DCDC1: variants seen among roughly 807,000 people sequenced by gnomAD.
The protein encoded by DCDC1 is doublecortin domain-containing protein 1.
A neutral mutation model predicts 178.3 loss-of-function variants in DCDC1; 200 were observed. The ratio of observed to expected loss-of-function variants is 1.12; its 90% CI spans 1.00 to 1.26. DCDC1 has a LOEUF of 1.26. DCDC1 is among the 50% of genes most tolerant of loss of function. The pLI, the probability that DCDC1 is intolerant of heterozygous loss-of-function variation, is 0.00. For synonymous variants in DCDC1, 690 were observed against 604.8 expected (o/e 1.14, Z -2.07); for missense variants, 1,983 against 1,749.2 (o/e 1.13, Z -2.38).
intron 34 of DCDC1, among the ~76,000 whole-genome samples, 185 bp from the exon 35 acceptor site, chr11:30,894,569 T>G (rs1944052893): frequency 6.6e-6 from 1 of 152,180 alleles, no homozygotes. Flanking sequence ...ATATGGGAGC[T>G]TCAGGCTTTA....
At chr11:31,166,370 G>A (rs943913686) in intron 9 of DCDC1, among the ~76,000 whole-genome samples, 3 of 152,120 alleles carry the variant, frequency 2.0e-5, no homozygotes, top group Admixed American at 6.5e-5. Flanking sequence ...ACTGAAATAC[G>A]AAAATAAATT....
At chr11:30,994,680 T>A (rs1951159921) in intron 20 of DCDC1, among the ~76,000 whole-genome samples, 1 of 145,434 alleles carries the variant, frequency 6.9e-6, no homozygotes, top group South Asian at 2.1e-4. Flanking sequence ...ATATAATATA[T>A]AACATATTAT....
chr11:30,942,966 T>C (rs1049042229), intron 21 of DCDC1, among the ~76,000 whole-genome samples: 3 of 152,318 alleles, frequency 2.0e-5, no homozygotes, highest in Non-Finnish European at 2.9e-5. Flanking sequence ...TTCATAGACA[T>C]AGAGAAATAA....
At chr11:31,098,081 A>G (rs1296425201) in intron 15 of DCDC1, among the ~76,000 whole-genome samples, 1 of 152,178 alleles carries the variant, frequency 6.6e-6, no homozygotes, top group African/African-American at 2.4e-5. Context: ...CATGTACTGA[A>G]AGGCTAGAAT....
chr11:31,111,170 A>T (rs1259672434), intron 11 of DCDC1, among the ~76,000 whole-genome samples: 1 of 151,516 alleles, frequency 6.6e-6, no homozygotes, highest in African/African-American at 2.4e-5. Flanking sequence ...CCTGCTTTTT[A>T]TTTTTTTTCT....
intron 20 of DCDC1, among the ~76,000 whole-genome samples, chr11:31,037,721 C>T (rs1954160307): frequency 1.3e-5 from 2 of 152,054 alleles, no homozygotes; most frequent in Admixed American, 1.3e-4. Flanking sequence ...CCTCGGCCTC[C>T]CAAAGTGCTG....
At position 31,046,496 on chromosome 11, in the gene DCDC1, A is replaced by T. The variant is rs969196861; in HGVS notation, c.2591+17973T>A. 1.3e-5 allele frequency among the ~76,000 whole-genome samples: 2 copies of T among 152,042 alleles called. 1 individual carries two copies. Among genetic ancestry groups the T allele is most frequent in the South Asian group, 4.1e-4 (2 of 4,830 alleles). On this transcript the variant is annotated intron_variant, in intron 20 of 38. Transcript: ENST00000684477. ...ACACTGAAAATTTTTTATACTGTCA[A>T]ATTTCCAGTGGTAGACATGGGTTCA...
intron 3 of DCDC1, among the ~76,000 whole-genome samples, chr11:31,322,366 TTAGA>T (rs1949412522): frequency 6.6e-6 from 1 of 152,212 alleles, no homozygotes; most frequent in Non-Finnish European, 1.5e-5. Context: ...CCATTTCTTC[TTAGA>T]TAAAGTCTCG....
intron 9 of DCDC1, among the ~76,000 whole-genome samples, chr11:31,141,782 T>G (rs938522815): frequency 3.3e-5 from 5 of 152,168 alleles, no homozygotes; most frequent in African/African-American, 9.7e-5. Context: ...TTTTGGAAAG[T>G]GCATTTTAAT....
chr11:31,213,381 A>C (rs981194045), intron 9 of DCDC1, among the ~76,000 whole-genome samples: 1 of 151,666 alleles, frequency 6.6e-6, no homozygotes, highest in Non-Finnish European at 1.5e-5. Flanking sequence ...TTAACATCTA[A>C]AGTAGGAGTA....
chr11:31,149,948 CAGA>C (rs1387089989), intron 9 of DCDC1, among the ~76,000 whole-genome samples: 1 of 152,228 alleles, frequency 6.6e-6, no homozygotes, highest in Non-Finnish European at 1.5e-5. Flanking sequence ...ATTCCGGACA[CAGA>C]AGGATTGCGG....
At chr11:31,097,743 T>C (rs750517586) in intron 15 of DCDC1, among the ~76,000 whole-genome samples, 3 of 152,204 alleles carry the variant, frequency 2.0e-5, no homozygotes, top group Non-Finnish European at 2.9e-5. Flanking sequence ...GGCAATCCGT[T>C]CAAAATTTTA....
At chr11:30,884,033 A>ATTTTTTTTTTTTTT (rs59940255) in intron 36 of DCDC1, among the ~76,000 whole-genome samples, 26,580 of 93,078 alleles carry the variant, frequency 0.29, 6,839 homozygotes, top group Middle Eastern at 0.41. Flanking sequence ...ATTCTTTCTC[A>ATTTTTTTTTTTTTT]TTTTTTTTTT....
chr11:31,154,340 C>G (rs188494799), intron 9 of DCDC1, among the ~76,000 whole-genome samples: 4 of 152,332 alleles, frequency 2.6e-5, no homozygotes, highest in Admixed American at 2.6e-4. Context: ...CTCACACATA[C>G]ACTCAGACTC....
intron 1 of DCDC1, among the ~76,000 whole-genome samples, chr11:31,366,775 G>A (rs1338334543): frequency 6.6e-6 from 1 of 152,188 alleles, no homozygotes; most frequent in East Asian, 1.9e-4. Context: ...GGACATCAGT[G>A]TCAAATTCAC....
At chr11:31,096,875 T>C (rs764722218) in intron 15 of DCDC1, among the ~76,000 whole-genome samples, 35 of 152,262 alleles carry the variant, frequency 2.3e-4, no homozygotes, top group Non-Finnish European at 3.5e-4. Context: ...AAAAAAGTGC[T>C]CTGACAATCC....
At chr11:31,102,375 T>G (rs1958569471) in intron 14 of DCDC1, 93 bp from the exon 15 acceptor site, 1 of 518,444 alleles carries the variant, frequency 1.9e-6, no homozygotes, top group South Asian at 3.1e-5. Flanking sequence ...CTCTTTATGC[T>G]TTATGTATAC....
intron 20 of DCDC1, among the ~76,000 whole-genome samples, chr11:31,036,398 GATA>G (rs1197003993): frequency 6.6e-6 from 1 of 152,062 alleles, no homozygotes; most frequent in Non-Finnish European, 1.5e-5. Context: ...ATTACTTAGA[GATA>G]ATCATCATCA....
chr11:31,310,629 C>G lies in DCDC1; in HGVS notation c.165-2721G>C, dbSNP rs1047711911. Among the ~76,000 whole-genome samples the G allele has an allele frequency of 4.6e-5, 7 of 152,126 alleles. No individual in the cohort carries two copies. The South Asian group carries it at 1.2e-3, about 27-fold the overall frequency. ...AGCCTCAGTAGTTCTTACACACTCTCAAACTCATCTTTCTTATAACAATTG... is the reference window on the plus strand; with the variant it reads ...AGCCTCAGTAGTTCTTACACACTCTGAAACTCATCTTTCTTATAACAATTG... On this transcript the variant is annotated intron_variant, in intron 3 of 38. Transcript: ENST00000684477.
Sources: gnomAD v4.1 joint callset for allele counts (sites outside exome capture counted in the v4.1 genomes callset) on GRCh38, gnomAD v4.1.1 for gene constraint, MANE v1.5 for transcripts, NCBI Gene and HGNC (gene_info 2026-07-23, HGNC 2026-07-21) for gene names.